The following CABLES1 variants were observed in gnomAD, a reference collection of about 807,000 sequenced individuals.
CABLES1 encodes Cdk5 and Abl enzyme substrate 1.
CABLES1 carries 36 observed loss-of-function variants against 57.8 expected under a neutral mutation model. That is an observed-to-expected ratio of 0.62 (90% CI 0.48 to 0.82). The LOEUF is 0.82. Among genes scored for constraint, CABLES1 ranks in the 40% least tolerant of loss-of-function variants. CABLES1 has a pLI of 0.00. For missense variants in CABLES1, 767 were observed against 836.6 expected (o/e 0.92, Z 1.03); for synonymous variants, 374 against 363.0 (o/e 1.03, Z -0.35).
chr18:23,207,710 G>GAGA (rs2047374373), intron 3 of CABLES1, among the ~76,000 whole-genome samples: 1 of 152,114 alleles, frequency 6.6e-6, no homozygotes, highest in South Asian at 2.1e-4. Context: ...AGGGAGGGAG[G>GAGA]AGAGGAAGAT....
At chr18:23,197,062 C>T (rs956831764) in intron 3 of CABLES1, 1 of 152,250 alleles carries the variant, frequency 6.6e-6, no homozygotes, top group Non-Finnish European at 1.5e-5. Context: ...AAGAAATGAA[C>T]AGGGAGCCTC....
Position 23,257,488 on chromosome 18 carries a change from AG to A in CABLES1, c.*122del. On this transcript the variant is annotated 3_prime_UTR_variant, in exon 10 of 10. Transcript: ENST00000256925. ...ACCAGACTTTTCTTCCTCTCGACAT[AG>A]TTTGGGGAGAAGCAGTACTAGAAAC... is the stretch of plus-strand genomic sequence containing the variant. 2 of 1,153,820 alleles carry A rather than the reference AG, an allele frequency of 1.7e-6. No homozygotes were observed. Among genetic ancestry groups the A allele is most frequent in the South Asian group, 1.7e-5 (1 of 57,740 alleles). 71.5% of individuals were successfully genotyped at this position (1,153,820 alleles called of 1,614,324 possible). A position where few individuals can be genotyped will look rare whatever the true frequency, so the allele number is the denominator to read the frequency against.
intron 1 of CABLES1, among the ~76,000 whole-genome samples, chr18:23,143,967 C>T (rs1223409068): frequency 2.0e-5 from 3 of 152,220 alleles, no homozygotes; most frequent in East Asian, 1.9e-4. Flanking sequence ...CCCACACACC[C>T]TCTGAGGCCT....
At chr18:23,139,723 G>A (rs986841644) in intron 1 of CABLES1, among the ~76,000 whole-genome samples, 6 of 152,182 alleles carry the variant, frequency 3.9e-5, no homozygotes, top group African/African-American at 1.2e-4. Context: ...GAGAGGTTGA[G>A]TAATTTCTCC....
chr18:23,174,395 T>G (rs1386287711), intron 1 of CABLES1, among the ~76,000 whole-genome samples: 1 of 152,216 alleles, frequency 6.6e-6, no homozygotes, highest in Non-Finnish European at 1.5e-5. Flanking sequence ...GTATATGTCT[T>G]TGTGTGGATG....
chr18:23,201,749 G>A (rs1369942614), intron 3 of CABLES1, among the ~76,000 whole-genome samples: 3 of 152,328 alleles, frequency 2.0e-5, no homozygotes, highest in African/African-American at 7.2e-5. Context: ...GAATAAAACA[G>A]GTTACATCCC....
chr18:23,139,918 T>C (rs1598793827), intron 1 of CABLES1, among the ~76,000 whole-genome samples: 1 of 152,222 alleles, frequency 6.6e-6, no homozygotes, highest in Non-Finnish European at 1.5e-5. Flanking sequence ...GTCGTACTGG[T>C]ATAATTCAAC....
chr18:23,189,045 C>T lies in CABLES1; in HGVS notation c.917+136C>T, dbSNP rs190937675. ...CTGAACTCCAGGGACTATGGGACAT[C>T]TCCTAGTGTCTAACCCACCTCTGAA... On this transcript the variant is annotated intron_variant, in intron 2 of 9. Transcript: ENST00000256925. 53 of 616,906 alleles carry T rather than the reference C, an allele frequency of 8.6e-5. No homozygotes were observed. In the African/African-American group the frequency reaches 9.6e-4, roughly 11 times the overall value. The allele number at this position is 616,906 out of a possible 1,614,324, so 38.2% of individuals were successfully genotyped here. A position where few individuals can be genotyped will look rare whatever the true frequency, so the allele number is the denominator to read the frequency against.
At position 23,241,109 on chromosome 18, in the gene CABLES1, A is replaced by G. The variant is rs138984521; in HGVS notation, c.1446+3864A>G. Among the ~76,000 whole-genome samples, 68 of 152,290 alleles carry G rather than the reference A, an allele frequency of 4.5e-4. 1 individual carries two copies. The highest frequency in any genetic ancestry group is 1.5e-3 in the African/African-American group (61 of 41,558). On this transcript the variant is annotated intron_variant, in intron 7 of 9. Coordinates refer to ENST00000256925, the MANE Select transcript of CABLES1 (RefSeq NM_001100619.3). Reference sequence around the variant, plus strand: ...CTGTCACCATAGATTAGTTTTACCTATTCTGAAACTTCATGTGAATAGGAT... The same window carrying G: ...CTGTCACCATAGATTAGTTTTACCTGTTCTGAAACTTCATGTGAATAGGAT...
At chr18:23,162,009 C>T (rs2047008805) in intron 1 of CABLES1, among the ~76,000 whole-genome samples, 1 of 151,554 alleles carries the variant, frequency 6.6e-6, no homozygotes, top group Admixed American at 6.6e-5. Flanking sequence ...CTACTAAATG[C>T]AAAAAATTAG....
intron 1 of CABLES1, among the ~76,000 whole-genome samples, chr18:23,181,324 T>C (rs1254573568): frequency 6.6e-6 from 1 of 151,576 alleles, no homozygotes; most frequent in Non-Finnish European, 1.5e-5. Context: ...TGAAACCCCA[T>C]CTCTACTAAA....
intron 7 of CABLES1, among the ~76,000 whole-genome samples, chr18:23,240,398 A>T (rs2047706449): frequency 6.6e-6 from 1 of 152,208 alleles, no homozygotes; most frequent in Non-Finnish European, 1.5e-5. Context: ...ACAAATGATG[A>T]TGCCGACAAA....
chr18:23,236,400 TA>T (rs544035922), intron 6 of CABLES1, among the ~76,000 whole-genome samples: 31 of 147,914 alleles, frequency 2.1e-4, no homozygotes, highest in African/African-American at 3.4e-4. Flanking sequence ...ATTCGGACTT[TA>T]AAAAAAAAAA....
At chr18:23,156,001 T>A in intron 1 of CABLES1, 8 of 1,609,726 alleles carry the variant, frequency 5.0e-6, no homozygotes, top group Non-Finnish European at 6.8e-6. Context: ...TGAGTCTGTT[T>A]TTTTGGCTCC....
intron 1 of CABLES1, among the ~76,000 whole-genome samples, chr18:23,169,903 G>A (rs934333557): frequency 6.8e-4 from 103 of 152,224 alleles, no homozygotes; most frequent in African/African-American, 2.3e-3. Context: ...ATTGGAGTCC[G>A]CCACTGTGTG....
intron 4 of CABLES1, among the ~76,000 whole-genome samples, chr18:23,230,146 G>T (rs1213643545): frequency 6.6e-6 from 1 of 152,228 alleles, no homozygotes; most frequent in Non-Finnish European, 1.5e-5. Context: ...GGCCAGGCGG[G>T]CGGATCACAA....
chr18:23,143,607 A>G (rs1239102578), intron 1 of CABLES1, among the ~76,000 whole-genome samples: 2 of 152,212 alleles, frequency 1.3e-5, no homozygotes, highest in Non-Finnish European at 2.9e-5. Flanking sequence ...TGCTACAAGG[A>G]CAGAATCGAG....
chr18:23,219,585 A>G (rs2047470946), intron 4 of CABLES1, among the ~76,000 whole-genome samples: 1 of 152,134 alleles, frequency 6.6e-6, no homozygotes, highest in East Asian at 1.9e-4. Context: ...TCCCAGCCAC[A>G]CTCAGCATCC....
chr18:23,192,075 C>T (rs1598821288), intron 2 of CABLES1, among the ~76,000 whole-genome samples: 1 of 152,182 alleles, frequency 6.6e-6, no homozygotes, highest in African/African-American at 2.4e-5. Flanking sequence ...TCCTCTAGCA[C>T]ATCGTGGTTT....
Sources: gnomAD v4.1 joint callset for allele counts (sites outside exome capture counted in the v4.1 genomes callset) on GRCh38, gnomAD v4.1.1 for gene constraint, MANE v1.5 for transcripts, NCBI Gene and HGNC (gene_info 2026-07-23, HGNC 2026-07-21) for gene names.